Variants in PCCA observed in about 807,000 individuals in gnomAD.
PCCA encodes propionyl-CoA carboxylase subunit alpha.
PCCA carries 74 observed loss-of-function variants against 101.3 expected under a neutral mutation model. The observed-to-expected ratio is 0.73, with a 90% CI of 0.61 to 0.89. The LOEUF (loss-of-function observed/expected upper bound fraction) is 0.89, where lower values mean the gene tolerates loss of function less well. Among genes scored for constraint, PCCA ranks in the 40% least tolerant of loss-of-function variants. The pLI is 0.00. For synonymous variants in PCCA, 294 were observed against 313.6 expected, an observed-to-expected ratio of 0.94 and a Z score of 0.66; for missense variants, 891 against 907.0, an observed-to-expected ratio of 0.98 and a Z score of 0.23.
At chr13:100,449,848 T>C (rs943487770) in intron 21 of PCCA, among the ~76,000 whole-genome samples, 1 of 152,186 alleles carries the variant, frequency 6.6e-6, no homozygotes, top group Non-Finnish European at 1.5e-5. Flanking sequence ...TTCTCCCAAA[T>C]AGAATCAAAG....
rs1187834281 is a variant in PCCA, at chr13:100,204,948, T to TCA, written c.469-4383_469-4382dup. 2.0e-5 allele frequency among the ~76,000 whole-genome samples: 3 copies of TCA among 152,174 alleles called. No homozygotes were observed. The East Asian group carries it at 5.8e-4, about 29-fold the overall frequency. On this transcript the variant is annotated intron_variant, in intron 6 of 23. Transcript: ENST00000376285. Reference sequence around the variant, plus strand: ...ACCTGGGACTACAGGCACACTTGGCTCATAATTTTTTTTTTTTAAATGAAT... The same window carrying TCA: ...ACCTGGGACTACAGGCACACTTGGCTCACATAATTTTTTTTTTTTAAATGAAT...
rs2077288653 is a variant in PCCA, at chr13:100,400,626, AG to A, written c.1747-25006del. 4.3e-5 allele frequency among the ~76,000 whole-genome samples: 2 copies of A among 47,032 alleles called. 1 individual carries two copies. Among genetic ancestry groups the A allele is most frequent in the Admixed American group, 4.0e-4 (2 of 5,028 alleles). 30.9% of individuals were successfully genotyped at this position (47,032 alleles called of 152,430 possible). On this transcript the variant is annotated intron_variant, in intron 19 of 23. Coordinates refer to ENST00000376285, the MANE Select transcript of PCCA (RefSeq NM_000282.4). Reference sequence around the variant, plus strand: ...ATGATGATTGATCTTAGTTCTTTTTAGTTCTTTTTTTTTTTTTTTTTGAGAG... The same window carrying A: ...ATGATGATTGATCTTAGTTCTTTTTATTCTTTTTTTTTTTTTTTTTGAGAG...
chr13:100,203,563 G>A (rs903157685), intron 6 of PCCA, among the ~76,000 whole-genome samples: 1 of 151,996 alleles, frequency 6.6e-6, no homozygotes, highest in African/African-American at 2.4e-5. Context: ...GCATGGTGGG[G>A]GGTGCCTGTA....
At chr13:100,317,786 C>T (rs1163606369) in intron 16 of PCCA, among the ~76,000 whole-genome samples, 10 of 152,066 alleles carry the variant, frequency 6.6e-5, no homozygotes, top group Non-Finnish European at 1.5e-4. Context: ...TGGGATTTTG[C>T]CATGTTGCCT....
intron 21 of PCCA, among the ~76,000 whole-genome samples, chr13:100,502,718 G>T (rs2085769957): frequency 6.6e-6 from 1 of 152,242 alleles, no homozygotes; most frequent in Non-Finnish European, 1.5e-5. Context: ...TGATTGGTGT[G>T]AATGGTAGGA....
intron 2 of PCCA, among the ~76,000 whole-genome samples, chr13:100,107,007 G>A (rs560656692): frequency 6.6e-5 from 10 of 152,186 alleles, no homozygotes; most frequent in African/African-American, 2.2e-4. Context: ...TCTCCTTCCC[G>A]GATTCCTGCT....
At chr13:100,379,386 G>C (rs2076101821) in intron 19 of PCCA, among the ~76,000 whole-genome samples, 1 of 152,214 alleles carries the variant, frequency 6.6e-6, no homozygotes. Context: ...ACTGATGTTA[G>C]TGGGTCCAGG....
Position 100,303,001 on chromosome 13 carries a change from A to G in PCCA, c.1284+3A>G. The G allele has an allele frequency of 6.5e-7, 1 of 1,539,700 alleles. No individual in the cohort carries two copies. Among genetic ancestry groups the G allele is most frequent in the Non-Finnish European group, 9.0e-7 (1 of 1,112,208 alleles). ...AAGAACCGTTACATCTACCTGGTGT[A>G]AGTCATTAAGCTGTAATACCAGCTG... On this transcript the variant is annotated splice_donor_region_variant and intron_variant, in intron 14 of 23. Transcript: ENST00000376285.
chr13:100,423,076 A>C (rs1462732354), intron 19 of PCCA, among the ~76,000 whole-genome samples: 1 of 151,246 alleles, frequency 6.6e-6, no homozygotes, highest in East Asian at 1.9e-4. Flanking sequence ...GTTTATGTTG[A>C]AATAGGCCGG....
intron 21 of PCCA, among the ~76,000 whole-genome samples, chr13:100,469,429 C>T (rs996500705): frequency 2.6e-5 from 4 of 152,038 alleles, no homozygotes; most frequent in African/African-American, 9.7e-5. Flanking sequence ...AGTGAAACCT[C>T]ATGCTTTGGA....
At chr13:100,331,617 GT>G (rs2069590486) in intron 17 of PCCA, among the ~76,000 whole-genome samples, 1 of 152,114 alleles carries the variant, frequency 6.6e-6, no homozygotes, top group Admixed American at 6.6e-5. Context: ...GTGTTATAGA[GT>G]TTTATCATTA....
intron 19 of PCCA, among the ~76,000 whole-genome samples, chr13:100,376,160 TG>T (rs1279040931): frequency 3.9e-5 from 6 of 152,220 alleles, no homozygotes; most frequent in South Asian, 4.1e-4. Context: ...CCTGTTTGAC[TG>T]GGTATCACTA....
chr13:100,227,664 G>C (rs909826796), intron 7 of PCCA, among the ~76,000 whole-genome samples: 4 of 152,082 alleles, frequency 2.6e-5, no homozygotes, highest in African/African-American at 7.2e-5. Flanking sequence ...TTCCCCATCG[G>C]TGCTCAAAAG....
chr13:100,409,862 G>C (rs1318172830), intron 19 of PCCA, among the ~76,000 whole-genome samples: 1 of 152,084 alleles, frequency 6.6e-6, no homozygotes, highest in African/African-American at 2.4e-5. Flanking sequence ...CTGCCTCCTA[G>C]GTTCAAGCAA....
intron 19 of PCCA, among the ~76,000 whole-genome samples, chr13:100,403,639 G>A (rs984857585): frequency 6.6e-6 from 1 of 152,110 alleles, no homozygotes; most frequent in African/African-American, 2.4e-5. Context: ...AGCTAAGGAT[G>A]GGGTTCTTTG....
chr13:100,450,831 T>G lies in PCCA; in HGVS notation c.1899+1526T>G, dbSNP rs889318601. Among the ~76,000 whole-genome samples, 6 of 152,216 alleles carry G rather than the reference T, an allele frequency of 3.9e-5. No homozygotes were observed. The South Asian group carries it at 1.0e-3, about 26-fold the overall frequency. ...TTGTGATTATTCTTGTTTTTCTGAT[T>G]AGTAAGGTAATACATGCTTATTGTA... On this transcript the variant is annotated intron_variant, in intron 21 of 23. Transcript: ENST00000376285.
chr13:100,224,858 C>T (rs934100693), intron 7 of PCCA, among the ~76,000 whole-genome samples: 4 of 152,102 alleles, frequency 2.6e-5, no homozygotes, highest in African/African-American at 4.8e-5. Context: ...AGGTGAGAGA[C>T]AGTGAGAACT....
chr13:100,405,002 A>T (rs567396361), intron 19 of PCCA, among the ~76,000 whole-genome samples: 1 of 152,114 alleles, frequency 6.6e-6, no homozygotes, highest in Non-Finnish European at 1.5e-5. Context: ...GGGAACACAA[A>T]TGTGTCTCGA....
chr13:100,173,433 C>T (rs145991673), intron 6 of PCCA, among the ~76,000 whole-genome samples: 15 of 152,108 alleles, frequency 9.9e-5, no homozygotes, highest in African/African-American at 3.1e-4. Flanking sequence ...AGACATTGAT[C>T]GATATCAAGT....
Sources: allele counts gnomAD v4.1 joint callset (sites outside exome capture counted in the v4.1 genomes callset), GRCh38; gene constraint gnomAD v4.1.1; transcripts MANE v1.5; gene names NCBI Gene and HGNC (gene_info 2026-07-23, HGNC 2026-07-21).